The following TRPV1 variants were observed in gnomAD, a reference collection of about 807,000 sequenced individuals.
TRPV1 encodes transient receptor potential cation channel subfamily V member 1, also known as OTRPC1.
In TRPV1, 82 loss-of-function variants were observed where a neutral mutation model predicts 82.3. The ratio of observed to expected loss-of-function variants is 1.00; its 90% CI spans 0.83 to 1.20. TRPV1 has a LOEUF of 1.20. Among genes scored for constraint, TRPV1 ranks in the 50% most tolerant of loss-of-function variants. The probability of loss-of-function intolerance (pLI) is 0.00; values close to 1 mark genes in which losing one functional copy is unlikely to be tolerated. For missense variants in TRPV1, 1,067 were observed against 1,096.8 expected (o/e 0.97, Z 0.38); for synonymous variants, 515 against 467.7 (o/e 1.10, Z -1.30).
Position 3,589,576 on chromosome 17 carries a change from G to C in TRPV1, c.1044+231C>G, listed in dbSNP as rs754943058. On this transcript the variant is annotated intron_variant, in intron 7 of 16. Transcript: ENST00000572705. ...AGCACCCTACCCCACCCCATGTCTT[G>C]TTGCTGATACTCAGAGCTGGAAATT... Among the ~76,000 whole-genome samples, 6 of 152,218 alleles carry C rather than the reference G, an allele frequency of 3.9e-5. No individual in the cohort carries two copies. In the South Asian group the frequency reaches 1.2e-3, roughly 32 times the overall value.
rs202029970 is a variant in TRPV1, at chr17:3,589,840, C to A, written c.1011G>T (p.Pro337=). ...EELTNKKGMT[P]LALAAGTGKI... ...TCCCGGTCCCAGCTGCCAGAGCCAG[C>A]GGCGTCATTCCCTTCTTGTTGGTGA... The change falls in exon 7 of 17, where the codon CCG becomes CCT. Residue 337 remains proline, a synonymous_variant. Transcript: ENST00000572705. The A allele has an allele frequency of 8.7e-6, 14 of 1,613,564 alleles. No homozygotes were observed. The highest frequency in any genetic ancestry group is 1.2e-5 in the Non-Finnish European group (14 of 1,179,732).
At chr17:3,594,149 AAAAGAAGCAGC>A (rs1215688279) in intron 2 of TRPV1, among the ~76,000 whole-genome samples, 4 of 124,348 alleles carry the variant, frequency 3.2e-5, no homozygotes, top group African/African-American at 2.2e-4. Flanking sequence ...AAAAAAAAAA[AAAAGAAGCAGC>A]AGCAGCAGCA....
Position 3,591,004 on chromosome 17 carries a change from C to T in TRPV1, c.564G>A (p.Lys188=). ...LEIARQTDSL[K]ELVNASYTDS... is the part of the protein sequence containing the mutation. ...CCGTGTAGCTGGCGTTGACAAGCTC[C>T]TTCAGGCTGTCCGTTTGCCGCGCGA... Residue 188 remains lysine (K), a synonymous_variant, in exon 5 of 17, where the codon AAG becomes AAA. Coordinates refer to ENST00000572705, the MANE Select transcript of TRPV1 (RefSeq NM_080704.4). 3 of 1,610,666 alleles carry T rather than the reference C, an allele frequency of 1.9e-6. No homozygotes were observed. Among genetic ancestry groups the T allele is most frequent in the Non-Finnish European group, 2.5e-6 (3 of 1,178,788 alleles).
At chr17:3,605,111 G>A (rs879893046) in intron 2 of TRPV1, among the ~76,000 whole-genome samples, 6 of 152,130 alleles carry the variant, frequency 3.9e-5, no homozygotes, top group Admixed American at 1.3e-4. Flanking sequence ...GAGTGGGTTC[G>A]CTCTGGGGTT....
chr17:3,596,762 C>A (rs1216759697), intron 2 of TRPV1, among the ~76,000 whole-genome samples: 1 of 152,260 alleles, frequency 6.6e-6, no homozygotes, highest in African/African-American at 2.4e-5. Flanking sequence ...CTTACTACCC[C>A]CCGTTTTCAG....
intron 10 of TRPV1, 98 bp downstream of exon 10, chr17:3,583,240 G>A (rs2075043731): frequency 9.5e-7 from 1 of 1,054,710 alleles, no homozygotes; most frequent in Non-Finnish European, 1.4e-6. Flanking sequence ...GGGCTATGAT[G>A]TGTCTGATGA....
rs57419633 is a variant in TRPV1 at position 3,593,081 on chromosome 17, CGTGTGTGTGTGTGTGTGTGTGTGTGTGT to C, written c.-33-726_-33-699del. ...AGCATCCTGGCCTTGAATGTTTAGGCGTGTGTGTGTGTGTGTGTGTGTGTGTGTGTGTGTGTGTGTGTGTGTGTGTGTG... is the reference window on the plus strand; with the variant it reads ...AGCATCCTGGCCTTGAATGTTTAGGCGTGTGTGTGTGTGTGTGTGTGTGTG... On this transcript the variant is annotated intron_variant, in intron 2 of 16. Coordinates refer to ENST00000572705, the MANE Select transcript of TRPV1 (RefSeq NM_080704.4). 6.2e-5 allele frequency among the ~76,000 whole-genome samples: 7 copies of C among 112,904 alleles called. No individual in the cohort carries two copies. In the East Asian group the frequency reaches 9.3e-4, roughly 15 times the overall value. 74.1% of individuals were successfully genotyped at this position (112,904 alleles called of 152,430 possible). A position where few individuals can be genotyped will look rare whatever the true frequency, so the allele number is the denominator to read the frequency against.
intron 2 of TRPV1, among the ~76,000 whole-genome samples, chr17:3,606,979 C>A (rs1434307852): frequency 6.6e-6 from 1 of 152,184 alleles, no homozygotes; most frequent in Non-Finnish European, 1.5e-5. Flanking sequence ...GTAAACTCAG[C>A]CTACTCTTCT....
intron 9 of TRPV1, among the ~76,000 whole-genome samples, chr17:3,584,529 G>T (rs2075061166): frequency 1.3e-5 from 2 of 152,042 alleles, no homozygotes; most frequent in South Asian, 4.1e-4. Context: ...GGGCACGGTG[G>T]CTCACACCTG....
At chr17:3,584,189 C>T (rs993691403) in intron 9 of TRPV1, among the ~76,000 whole-genome samples, 4 of 151,784 alleles carry the variant, frequency 2.6e-5, no homozygotes, top group African/African-American at 2.4e-5. Flanking sequence ...ACTTGAACCC[C>T]GGAGCCAGAG....
chr17:3,572,984 GAAAAAAAAAA>G lies in TRPV1; in HGVS notation c.2103+639_2103+648del, dbSNP rs137909617. Among the ~76,000 whole-genome samples the G allele has an allele frequency of 1.1e-4, 8 of 71,262 alleles. No individual in the cohort carries two copies. In the East Asian group the frequency reaches 2.3e-3, roughly 21 times the overall value. The allele number at this position is 71,262 out of a possible 152,430, so 46.8% of individuals were successfully genotyped here. A position where few individuals can be genotyped will look rare whatever the true frequency, so the allele number is the denominator to read the frequency against. On this transcript the variant is annotated intron_variant, in intron 14 of 16. Transcript: ENST00000572705. ...GGTGACAGAGTAAGACTCCATCTCA[GAAAAAAAAAA>G]AAAAAAAAAAAAAAAGGAACAGTAA... is the stretch of plus-strand genomic sequence containing the variant.
In TRPV1 at chr17:3,607,268, C is replaced by T. The variant is rs376919370; in HGVS notation, c.-34+1159G>A. 1.2e-3 allele frequency among the ~76,000 whole-genome samples: 186 copies of T among 151,836 alleles called. 6 individuals are homozygous for T. The South Asian group carries it at 0.035, about 29-fold the overall frequency. ...CTGAGGTACAAGAATTGCTTGAACC[C>T]GGGAGGTGGAGGTTGCAGTGGGCTG... On this transcript the variant is annotated intron_variant, in intron 2 of 16. Coordinates refer to ENST00000572705, the MANE Select transcript of TRPV1 (RefSeq NM_080704.4).
At chr17:3,600,466 G>T (rs888617877) in intron 2 of TRPV1, among the ~76,000 whole-genome samples, 8 of 152,166 alleles carry the variant, frequency 5.3e-5, no homozygotes, top group African/African-American at 1.9e-4. Flanking sequence ...GTGCACGCCT[G>T]TAGTCCCAGC....
chr17:3,591,015 C>G lies in TRPV1; in HGVS notation c.553G>C (p.Asp185His), dbSNP rs779727792. 2 of 1,611,340 alleles carry G rather than the reference C, an allele frequency of 1.2e-6. No individual in the cohort carries two copies. Among genetic ancestry groups the G allele is most frequent in the Non-Finnish European group, 1.7e-6 (2 of 1,178,984 alleles). The change falls in exon 5 of 17, where the codon GAC becomes CAC. Residue 185 changes from aspartate (D) to histidine (H), a missense_variant. Transcript: ENST00000572705. ...PLLLEIARQTDSLKELVNASY... is the reference protein window; with the variant it reads ...PLLLEIARQTHSLKELVNASY... ...GCGTTGACAAGCTCCTTCAGGCTGT[C>G]CGTTTGCCGCGCGATCTCCAGGAGC...
intron 9 of TRPV1, chr17:3,585,517 C>T (rs3826501): frequency 0.22 from 100,491 of 453,134 alleles, 12,182 homozygotes; most frequent in Admixed American, 0.26. Context: ...CACACTCAGC[C>T]CCACAGGACC....
chr17:3,584,402 C>CAA (rs1447579699), intron 9 of TRPV1, among the ~76,000 whole-genome samples: 332 of 16,642 alleles, frequency 0.02, 38 homozygotes, highest in South Asian at 0.035. Context: ...GACTCTGTCT[C>CAA]AAAAAAAAAA....
intron 2 of TRPV1, among the ~76,000 whole-genome samples, chr17:3,602,843 C>T (rs1475786460): frequency 6.6e-6 from 1 of 152,196 alleles, no homozygotes; most frequent in Non-Finnish European, 1.5e-5. Flanking sequence ...GAGCCCCAGC[C>T]GGCCTCAGTG....
chr17:3,598,403 G>A (rs1320896041), intron 2 of TRPV1, among the ~76,000 whole-genome samples: 1 of 152,130 alleles, frequency 6.6e-6, no homozygotes, highest in Non-Finnish European at 1.5e-5. Context: ...GGCAGTGGGA[G>A]GGCAGAGACT....
Position 3,594,152 on chromosome 17 carries a change from AG to A in TRPV1, c.-33-1770del, listed in dbSNP as rs66993441. On this transcript the variant is annotated intron_variant, in intron 2 of 16. Transcript: ENST00000572705. ...CAAAAAAAAAAAAAAAAAAAAAAAA[AG>A]AAGCAGCAGCAGCAGCAGCAGCAGC... Among the ~76,000 whole-genome samples the A allele has an allele frequency of 1.8e-3, 206 of 115,986 alleles. 7 individuals are homozygous for A. The highest frequency in any genetic ancestry group is 9.3e-3 in the African/African-American group (168 of 18,134). 76.1% of individuals were successfully genotyped at this position (115,986 alleles called of 152,430 possible). A position where few individuals can be genotyped will look rare whatever the true frequency, so the allele number is the denominator to read the frequency against.
Sources: allele counts gnomAD v4.1 joint callset (sites outside exome capture counted in the v4.1 genomes callset), GRCh38; gene constraint gnomAD v4.1.1; transcripts MANE v1.5; gene names NCBI Gene and HGNC (gene_info 2026-07-23, HGNC 2026-07-21).